DZIP3: variants seen among roughly 807,000 people sequenced by gnomAD.
DZIP3 encodes E3 ubiquitin-protein ligase DZIP3.
Under a neutral mutation model 162.0 loss-of-function variants are expected in DZIP3, and 118 were observed. The observed-to-expected ratio is 0.73, with a 90% CI of 0.63 to 0.85. The LOEUF (loss-of-function observed/expected upper bound fraction) is 0.85. DZIP3 is among the 40% of genes least tolerant of loss of function. The probability of loss-of-function intolerance (pLI) is 0.00; values close to 1 mark genes in which losing one functional copy is unlikely to be tolerated. For synonymous variants in DZIP3, 438 were observed against 458.6 expected (o/e 0.96, Z 0.57); for missense variants, 1,331 against 1,407.0 (o/e 0.95, Z 0.86).
At chr3:108,592,832 T>C (rs57483832) in intron 1 of DZIP3, among the ~76,000 whole-genome samples, 19,363 of 152,212 alleles carry the variant, frequency 0.13, 1,691 homozygotes, top group East Asian at 0.52. Flanking sequence ...CTAATAGAGA[T>C]TGGTTTACTT....
intron 8 of DZIP3, among the ~76,000 whole-genome samples, chr3:108,631,583 CTTTTTTTT>C (rs10708434): frequency 9.9e-6 from 1 of 101,364 alleles, no homozygotes. Context: ...TTATTATTCC[CTTTTTTTT>C]TTTTTTTTTT....
chr3:108,663,565 A>T (rs1943540286), intron 21 of DZIP3, among the ~76,000 whole-genome samples: 1 of 152,024 alleles, frequency 6.6e-6, no homozygotes, highest in African/African-American at 2.4e-5. Context: ...TCAAAAAAAA[A>T]AAAAAAAGAA....
Position 108,694,836 on chromosome 3 carries a change from T to C in DZIP3, c.*1483T>C, listed in dbSNP as rs1444356269. ...TTAGAAAAGAATAAATGTTTCTTAA[T>C]TGAACAACTATTTTATCTGTGTATT... On this transcript the variant is annotated 3_prime_UTR_variant, in exon 33 of 33. Coordinates refer to ENST00000361582, the MANE Select transcript of DZIP3 (RefSeq NM_014648.4). The C allele has an allele frequency of 6.6e-6, 1 of 152,226 alleles. No homozygotes were observed. The highest frequency in any genetic ancestry group is 1.5e-5 in the Non-Finnish European group (1 of 68,036). The allele number at this position is 152,226 out of a possible 1,614,324, so 9.4% of individuals were successfully genotyped here.
intron 32 of DZIP3, among the ~76,000 whole-genome samples, chr3:108,692,217 A>T (rs899083495): frequency 1.4e-4 from 22 of 152,210 alleles, no homozygotes; most frequent in African/African-American, 5.3e-4. Flanking sequence ...AGAAATATAT[A>T]TATTTTTTTT....
chr3:108,638,953 A>G (rs139141598), intron 12 of DZIP3, among the ~76,000 whole-genome samples: 67 of 152,280 alleles, frequency 4.4e-4, no homozygotes, highest in African/African-American at 1.4e-3. Flanking sequence ...TCTTAACCAT[A>G]TATGTACCAA....
chr3:108,684,432 T>C lies in DZIP3; in HGVS notation c.3009+91T>C, dbSNP rs961402977. The C allele has an allele frequency of 1.2e-5, 17 of 1,445,632 alleles. No homozygotes were observed. The South Asian group carries it at 2.3e-4, about 19-fold the overall frequency. 89.6% of individuals were successfully genotyped at this position (1,445,632 alleles called of 1,614,324 possible). ...TGAGTATCTTCATTTTGTTCATTCA[T>C]TTGATATGATAATGATGGGGGTGGT... On this transcript the variant is annotated intron_variant, in intron 27 of 32. Transcript: ENST00000361582.
rs1944578025 is a variant in DZIP3, at chr3:108,688,574, ATTATG to A, written c.3271-16_3271-12del. On this transcript the variant is annotated splice_polypyrimidine_tract_variant and intron_variant, in intron 29 of 32. Coordinates refer to ENST00000361582, the MANE Select transcript of DZIP3 (RefSeq NM_014648.4). ...TTAGGATAATTCTGAAAAAATAAAC[ATTATG>A]TTCTTATTTTCAGAGTCAAGGAAAA... 2.5e-6 allele frequency: 4 copies of A among 1,608,840 alleles called. No homozygotes were observed. The highest frequency in any genetic ancestry group is 3.4e-6 in the Non-Finnish European group (4 of 1,177,818).
intron 8 of DZIP3, among the ~76,000 whole-genome samples, chr3:108,631,055 A>ACACACACATACACACTCT: frequency 1.7e-4 from 3 of 18,014 alleles, no homozygotes; most frequent in African/African-American, 8.4e-4. Flanking sequence ...ACACACACAC[A>ACACACACATACACACTCT]CTCTCTCTCT....
intron 26 of DZIP3, 72 bp from the exon 27 acceptor site, chr3:108,684,144 T>G: frequency 6.7e-7 from 1 of 1,502,870 alleles, no homozygotes; most frequent in Non-Finnish European, 9.0e-7. Flanking sequence ...TGAATTTAGA[T>G]GATTGCCTAA....
In DZIP3 at chr3:108,611,041, A is replaced by G. The variant is rs3112026; in HGVS notation, c.103-133A>G. On this transcript the variant is annotated intron_variant, in intron 3 of 32. Transcript: ENST00000361582. ...ATTATTCTTCCTTAGATTTTTTATA[A>G]TTCTGTCATAGAAGCTAGGAGAACA... The G allele has an allele frequency of 1, 775,318 of 775,596 alleles. 387,520 individuals are homozygous for G. Among genetic ancestry groups the G allele is most frequent in the Middle Eastern group, 1 (2,438 of 2,438 alleles). The allele number at this position is 775,596 out of a possible 1,614,324, so 48.0% of individuals were successfully genotyped here.
At chr3:108,678,793 C>G (rs1487788060) in intron 26 of DZIP3, among the ~76,000 whole-genome samples, 1 of 151,996 alleles carries the variant, frequency 6.6e-6, no homozygotes, top group African/African-American at 2.4e-5. Flanking sequence ...GATATCACCA[C>G]TCCTGCTTAT....
chr3:108,669,219 C>T (rs542128425), intron 21 of DZIP3, among the ~76,000 whole-genome samples: 2 of 152,026 alleles, frequency 1.3e-5, no homozygotes, highest in African/African-American at 4.8e-5. Context: ...CTCATCACTT[C>T]AATATTTAAG....
chr3:108,643,687 C>G (rs894755635), intron 13 of DZIP3, among the ~76,000 whole-genome samples: 2 of 151,544 alleles, frequency 1.3e-5, no homozygotes, highest in African/African-American at 4.9e-5. Context: ...TCCTTAGTCA[C>G]CCAAACCGCA....
At chr3:108,620,251 G>A (rs2107545544) in intron 5 of DZIP3, among the ~76,000 whole-genome samples, 1 of 152,288 alleles carries the variant, frequency 6.6e-6, no homozygotes, top group South Asian at 2.1e-4. Context: ...TATTTTTATT[G>A]GGCGTTGGTC....
chr3:108,634,384 G>T (rs948563312), intron 9 of DZIP3, among the ~76,000 whole-genome samples: 4 of 152,132 alleles, frequency 2.6e-5, no homozygotes, highest in African/African-American at 7.2e-5. Flanking sequence ...TAGTTTCCAG[G>T]CAGGGTACAG....
At chr3:108,616,450 C>G (rs1181638776) in intron 4 of DZIP3, 91 bp from the exon 5 acceptor site, 4 of 792,820 alleles carry the variant, frequency 5.0e-6, no homozygotes, top group Admixed American at 5.8e-5. Context: ...TTAAAATTTT[C>G]TCCAATGAGC....
chr3:108,663,689 T>G (rs1576441410), intron 21 of DZIP3, among the ~76,000 whole-genome samples: 1 of 152,190 alleles, frequency 6.6e-6, no homozygotes, highest in Non-Finnish European at 1.5e-5. Context: ...GCAGATGAGC[T>G]ACCTCTCTTC....
chr3:108,592,484 A>C (rs1939476018), intron 1 of DZIP3, among the ~76,000 whole-genome samples: 1 of 152,084 alleles, frequency 6.6e-6, no homozygotes, highest in East Asian at 1.9e-4. Flanking sequence ...TCTTGAACCC[A>C]GGAGTTCAAG....
At chr3:108,612,770 ATTCT>A (rs1224223558) in intron 4 of DZIP3, among the ~76,000 whole-genome samples, 2 of 152,006 alleles carry the variant, frequency 1.3e-5, no homozygotes, top group East Asian at 1.9e-4. Flanking sequence ...AAATTATTGT[ATTCT>A]TTCTATTTAT....
Sources: gnomAD v4.1 joint callset for allele counts (sites outside exome capture counted in the v4.1 genomes callset) on GRCh38, gnomAD v4.1.1 for gene constraint, MANE v1.5 for transcripts, NCBI Gene and HGNC (gene_info 2026-07-23, HGNC 2026-07-21) for gene names.